PTPRN2: variants seen among roughly 807,000 people sequenced by gnomAD.
PTPRN2 encodes protein tyrosine phosphatase receptor type N2, also known as receptor-type tyrosine-protein phosphatase N2.
Under a neutral mutation model 118.8 loss-of-function variants are expected in PTPRN2, and 74 were observed. That is an observed-to-expected ratio of 0.62 (90% CI 0.52 to 0.76). The LOEUF (loss-of-function observed/expected upper bound fraction) is 0.76, where lower values mean the gene tolerates loss of function less well. PTPRN2 is among the 30% of genes least tolerant of loss of function. The probability of loss-of-function intolerance (pLI) is 0.00; values close to 1 mark genes in which losing one functional copy is unlikely to be tolerated. For synonymous variants in PTPRN2, 641 were observed against 608.0 expected (o/e 1.05, Z -0.80); for missense variants, 1,481 against 1,394.4 (o/e 1.06, Z -0.99).
chr7:157,684,317 G>A (rs1442068084), intron 12 of PTPRN2, among the ~76,000 whole-genome samples: 1 of 151,600 alleles, frequency 6.6e-6, no homozygotes, highest in African/African-American at 2.4e-5. Flanking sequence ...GTTCTCCAGC[G>A]GCGGGAGGCG....
chr7:158,486,385 C>T (rs887634336), intron 2 of PTPRN2, among the ~76,000 whole-genome samples: 2 of 152,192 alleles, frequency 1.3e-5, no homozygotes, highest in African/African-American at 2.4e-5. Flanking sequence ...TAGGACATAC[C>T]ACCTGTGTTT....
intron 12 of PTPRN2, among the ~76,000 whole-genome samples, chr7:157,895,092 T>C (rs1442871831): frequency 2.6e-5 from 4 of 151,870 alleles, no homozygotes; most frequent in African/African-American, 9.7e-5. Context: ...GAGCAGGAGC[T>C]GTAGAAAGCG....
At chr7:157,857,973 T>C (rs111318495) in intron 12 of PTPRN2, 3,304 of 154,954 alleles carry the variant, frequency 0.021, 127 homozygotes, top group African/African-American at 0.076. Context: ...GAGAAAGCCT[T>C]GTGAGGGAAG....
chr7:157,870,901 G>A (rs114274479), intron 12 of PTPRN2, among the ~76,000 whole-genome samples: 207 of 152,350 alleles, frequency 1.4e-3, no homozygotes, highest in African/African-American at 4.8e-3. Flanking sequence ...CTTTGATGTT[G>A]ATCTTTCTGT....
intron 11 of PTPRN2, among the ~76,000 whole-genome samples, chr7:158,013,909 CATCT>C (rs1308682143): frequency 1.6e-5 from 1 of 61,460 alleles, no homozygotes; most frequent in African/African-American, 6.4e-5. Flanking sequence ...TTCATCCATC[CATCT>C]ATCCCTCTAT....
chr7:157,840,127 G>T (rs1266528961), intron 12 of PTPRN2, among the ~76,000 whole-genome samples: 1 of 149,416 alleles, frequency 6.7e-6, no homozygotes, highest in Non-Finnish European at 1.5e-5. Flanking sequence ...GACTGTGACT[G>T]TGTGGCCGTC....
chr7:157,898,741 T>A lies in PTPRN2; in HGVS notation c.1724-4A>T, dbSNP rs1489014642. Reference sequence around the variant, plus strand: ...TCCAGTTTGTCTTTGTTGTCAACTGTTAGGAAAAATCAGAAAGCACAAGAG... The same window carrying A: ...TCCAGTTTGTCTTTGTTGTCAACTGATAGGAAAAATCAGAAAGCACAAGAG... On this transcript the variant is annotated splice_polypyrimidine_tract_variant and splice_region_variant and intron_variant, in intron 11 of 22. Coordinates refer to ENST00000389418, the MANE Select transcript of PTPRN2 (RefSeq NM_002847.5). 1 of 1,599,036 alleles carries A rather than the reference T, an allele frequency of 6.3e-7. No individual in the cohort carries two copies. The highest frequency in any genetic ancestry group is 8.6e-7 in the Non-Finnish European group (1 of 1,166,286).
intron 13 of PTPRN2, among the ~76,000 whole-genome samples, chr7:157,680,094 T>C (rs1168163584): frequency 2.0e-5 from 3 of 152,216 alleles, no homozygotes; most frequent in Admixed American, 2.0e-4. Flanking sequence ...TACCATTCTC[T>C]CTCTCCGAGG....
chr7:157,852,559 G>A lies in PTPRN2; in HGVS notation c.1788+46114C>T, dbSNP rs1352693954. Among the ~76,000 whole-genome samples, 4 of 152,118 alleles carry A rather than the reference G, an allele frequency of 2.6e-5. No individual in the cohort carries two copies. In the East Asian group the frequency reaches 7.7e-4, roughly 29 times the overall value. ...AAAGTGTTTATATTTTTCAGATTTT[G>A]TTTTCTCCTGCTTCCTTAAAAAATA... On this transcript the variant is annotated intron_variant, in intron 12 of 22. Coordinates refer to ENST00000389418, the MANE Select transcript of PTPRN2 (RefSeq NM_002847.5).
chr7:158,152,297 A>G (rs894160861), intron 6 of PTPRN2, among the ~76,000 whole-genome samples: 1 of 152,116 alleles, frequency 6.6e-6, no homozygotes, highest in African/African-American at 2.4e-5. Context: ...GCACTGCCAG[A>G]GAAAGCCTCA....
intron 18 of PTPRN2, 78 bp downstream of exon 18, chr7:157,577,943 A>G: frequency 6.9e-7 from 1 of 1,449,682 alleles, no homozygotes; most frequent in Non-Finnish European, 9.2e-7. Context: ...GGCCCTAACG[A>G]ATCCCATTCG....
intron 1 of PTPRN2, among the ~76,000 whole-genome samples, chr7:158,569,858 T>C (rs991604331): frequency 3.5e-5 from 5 of 143,756 alleles, no homozygotes; most frequent in Non-Finnish European, 7.6e-5. Context: ...GCCGCCTGAC[T>C]GACAGGAACG....
chr7:157,557,087 C>A (rs1223582509), intron 21 of PTPRN2, among the ~76,000 whole-genome samples: 1 of 151,796 alleles, frequency 6.6e-6, no homozygotes, highest in Non-Finnish European at 1.5e-5. Context: ...CACACACACA[C>A]ACAGATATAC....
At chr7:158,539,334 A>G (rs1473455478) in intron 1 of PTPRN2, 3 of 152,174 alleles carry the variant, frequency 2.0e-5, no homozygotes, top group Non-Finnish European at 2.9e-5. Flanking sequence ...AAATAGGTTT[A>G]CCCCCAAAAC....
At chr7:158,355,026 GAA>G (rs56276927) in intron 2 of PTPRN2, among the ~76,000 whole-genome samples, 140,240 of 149,730 alleles carry the variant, frequency 0.94, 65,657 homozygotes, top group Non-Finnish European at 0.95. Flanking sequence ...GTCTTGAAAG[GAA>G]AAAAAAAAAA....
chr7:158,175,246 C>G (rs895897152), intron 5 of PTPRN2, among the ~76,000 whole-genome samples: 4 of 152,200 alleles, frequency 2.6e-5, no homozygotes, highest in Non-Finnish European at 5.9e-5. Flanking sequence ...TGCTTGCTGC[C>G]AGCCTGACAA....
At chr7:158,272,263 G>A (rs779792398) in intron 3 of PTPRN2, among the ~76,000 whole-genome samples, 36 of 152,158 alleles carry the variant, frequency 2.4e-4, no homozygotes, top group Admixed American at 3.9e-4. Context: ...CCGCGTCTCC[G>A]GGGCCCGGGC....
chr7:157,799,556 T>G (rs1805097331), intron 12 of PTPRN2, among the ~76,000 whole-genome samples: 1 of 152,086 alleles, frequency 6.6e-6, no homozygotes, highest in African/African-American at 2.4e-5. Flanking sequence ...GTCCCTCATC[T>G]GACTCGCACA....
chr7:158,233,390 T>C (rs892162167), intron 3 of PTPRN2, among the ~76,000 whole-genome samples: 3 of 152,108 alleles, frequency 2.0e-5, no homozygotes, highest in Non-Finnish European at 2.9e-5. Context: ...AGGAAAACGA[T>C]ACAACACTGA....
Sources: gnomAD v4.1 joint callset for allele counts (sites outside exome capture counted in the v4.1 genomes callset) on GRCh38, gnomAD v4.1.1 for gene constraint, MANE v1.5 for transcripts, NCBI Gene and HGNC (gene_info 2026-07-23, HGNC 2026-07-21) for gene names.